Variants in TTC28 observed in about 807,000 individuals in gnomAD.
TTC28 encodes tetratricopeptide repeat domain 28.
TTC28 carries 61 observed loss-of-function variants against 198.0 expected under a neutral mutation model. That is an observed-to-expected ratio of 0.31 (90% confidence interval 0.25 to 0.38). The LOEUF is 0.38. TTC28 is among the 10% of genes least tolerant of loss of function. The probability of loss-of-function intolerance (pLI) is 1.00; values close to 1 mark genes in which losing one functional copy is unlikely to be tolerated. For synonymous variants in TTC28, 1,171 were observed against 1,297.8 expected (o/e 0.90, Z 2.10); for missense variants, 2,678 against 3,164.0 (o/e 0.85, Z 3.69).
intron 2 of TTC28, among the ~76,000 whole-genome samples, chr22:28,403,919 G>A (rs1275692148): frequency 6.6e-6 from 1 of 152,112 alleles, no homozygotes; most frequent in Non-Finnish European, 1.5e-5. Context: ...TGCAATTAGG[G>A]AAGACAGACT....
rs184729681 is a variant in TTC28, at chr22:28,338,505, T to C, written c.382-31862A>G. ...CAGACGTAGATTTGGTCTTTTCACATAGTCCCATATTTCTTGGAGGCTTTG... is the reference window on the plus strand; with the variant it reads ...CAGACGTAGATTTGGTCTTTTCACACAGTCCCATATTTCTTGGAGGCTTTG... On this transcript the variant is annotated intron_variant, in intron 2 of 22. Coordinates refer to ENST00000397906, the MANE Select transcript of TTC28 (RefSeq NM_001145418.2). Among the ~76,000 whole-genome samples, 227 of 152,338 alleles carry C rather than the reference T, an allele frequency of 1.5e-3. 2 individuals are homozygous for C. Among genetic ancestry groups the C allele is most frequent in the African/African-American group, 5.2e-3 (215 of 41,582 alleles).
chr22:28,646,370 G>A (rs1361190268), intron 1 of TTC28, among the ~76,000 whole-genome samples: 1 of 152,106 alleles, frequency 6.6e-6, no homozygotes, highest in South Asian at 2.1e-4. Context: ...ATCTCTATAA[G>A]GAGAACTACA....
intron 5 of TTC28, among the ~76,000 whole-genome samples, chr22:28,265,840 T>C (rs537998013): frequency 5.9e-5 from 9 of 152,222 alleles, no homozygotes; most frequent in East Asian, 5.8e-4. Context: ...AACACCCAGA[T>C]AGAGGTGAGG....
At chr22:28,275,061 C>T (rs1364091636) in intron 5 of TTC28, among the ~76,000 whole-genome samples, 1 of 144,348 alleles carries the variant, frequency 6.9e-6, no homozygotes, top group Non-Finnish European at 1.5e-5. Flanking sequence ...AATGTAAATA[C>T]AATATCTTGA....
chr22:28,366,759 C>T (rs5762572), intron 2 of TTC28, among the ~76,000 whole-genome samples: 39,766 of 151,580 alleles, frequency 0.26, 6,542 homozygotes, highest in South Asian at 0.39. Context: ...ACATTCCATG[C>T]GAACATAAAA....
chr22:28,502,394 A>G (rs899499338), intron 2 of TTC28, among the ~76,000 whole-genome samples: 5 of 152,088 alleles, frequency 3.3e-5, no homozygotes, highest in Admixed American at 2.6e-4. Flanking sequence ...TAATCCCAGC[A>G]CTTTGGGAGG....
intron 6 of TTC28, among the ~76,000 whole-genome samples, chr22:28,116,971 C>T (rs569337848): frequency 1.3e-5 from 2 of 152,350 alleles, no homozygotes; most frequent in South Asian, 2.1e-4. Flanking sequence ...CTTTCTTGCT[C>T]ATCTGCAGTA....
Position 28,523,390 on chromosome 22 carries a change from A to T in TTC28, c.381+106162T>A, listed in dbSNP as rs544135262. 7.2e-4 allele frequency among the ~76,000 whole-genome samples: 110 copies of T among 152,358 alleles called. 3 individuals carry two copies. In the South Asian group the frequency reaches 0.023, roughly 31 times the overall value. On this transcript the variant is annotated intron_variant, in intron 2 of 22. Transcript: ENST00000397906. Reference sequence around the variant, plus strand: ...TTCTAAATCTATATACATCCATATGATAAATTAAGTTATTAAACAAATGGG... The same window carrying T: ...TTCTAAATCTATATACATCCATATGTTAAATTAAGTTATTAAACAAATGGG...
At chr22:28,439,692 A>G (rs2047586520) in intron 2 of TTC28, among the ~76,000 whole-genome samples, 1 of 152,234 alleles carries the variant, frequency 6.6e-6, no homozygotes, top group Admixed American at 6.5e-5. Flanking sequence ...GATGACTAGC[A>G]TAGAACAAGT....
At chr22:28,276,162 C>T (rs1344534800) in intron 5 of TTC28, among the ~76,000 whole-genome samples, 2 of 151,978 alleles carry the variant, frequency 1.3e-5, no homozygotes, top group Admixed American at 1.3e-4. Flanking sequence ...CAGGCATGCA[C>T]CACGACGCCT....
intron 2 of TTC28, among the ~76,000 whole-genome samples, chr22:28,557,190 T>A (rs2049799765): frequency 6.6e-6 from 1 of 152,230 alleles, no homozygotes. Context: ...CTTTTCTATA[T>A]CTATAAATTC....
chr22:28,239,714 G>A (rs1370625473), intron 5 of TTC28, among the ~76,000 whole-genome samples: 1 of 152,046 alleles, frequency 6.6e-6, no homozygotes, highest in African/African-American at 2.4e-5. Context: ...GGCTCTCACA[G>A]GAAACATTGA....
At chr22:28,207,447 A>C (rs530232255) in intron 5 of TTC28, among the ~76,000 whole-genome samples, 1 of 152,080 alleles carries the variant, frequency 6.6e-6, no homozygotes, top group East Asian at 1.9e-4. Flanking sequence ...GTAGAAATGA[A>C]TCATGGCTCT....
At chr22:28,026,261 C>A (rs1938829438) in intron 13 of TTC28, among the ~76,000 whole-genome samples, 1 of 152,114 alleles carries the variant, frequency 6.6e-6, no homozygotes, top group Non-Finnish European at 1.5e-5. Context: ...CTGGCTCTCC[C>A]AGAACCCCTC....
intron 2 of TTC28, among the ~76,000 whole-genome samples, chr22:28,535,424 A>T (rs959711271): frequency 5.3e-5 from 8 of 152,132 alleles, no homozygotes; most frequent in Admixed American, 1.3e-4. Context: ...CCTGTTTTTG[A>T]ATTTTATTTA....
At chr22:28,030,601 G>A (rs1156881178) in intron 12 of TTC28, among the ~76,000 whole-genome samples, 2 of 152,158 alleles carry the variant, frequency 1.3e-5, no homozygotes, top group Non-Finnish European at 2.9e-5. Flanking sequence ...TGTCACCCCC[G>A]ACTCTGCTGT....
chr22:28,462,138 C>T (rs896751275), intron 2 of TTC28, among the ~76,000 whole-genome samples: 3 of 152,168 alleles, frequency 2.0e-5, no homozygotes, highest in African/African-American at 7.2e-5. Context: ...TGTGATAGCT[C>T]ATATTATTTG....
At chr22:28,312,567 C>A (rs2045282565) in intron 2 of TTC28, among the ~76,000 whole-genome samples, 2 of 152,284 alleles carry the variant, frequency 1.3e-5, no homozygotes, top group South Asian at 2.1e-4. Context: ...TCACTCAAAA[C>A]CACACAACTA....
At chr22:28,641,095 G>A (rs2051357467) in intron 1 of TTC28, among the ~76,000 whole-genome samples, 2 of 152,156 alleles carry the variant, frequency 1.3e-5, no homozygotes, top group South Asian at 4.1e-4. Flanking sequence ...GGAGGCCGAG[G>A]TAGGTGGATC....
Sources: allele counts gnomAD v4.1 joint callset (sites outside exome capture counted in the v4.1 genomes callset), GRCh38; gene constraint gnomAD v4.1.1; transcripts MANE v1.5; gene names NCBI Gene and HGNC (gene_info 2026-07-23, HGNC 2026-07-21).